Variants in SECISBP2 observed in about 807,000 individuals in gnomAD.
The protein encoded by SECISBP2 is SECIS binding protein 2, also known as selenocysteine insertion sequence-binding protein 2.
SECISBP2 carries 96 observed loss-of-function variants against 98.2 expected under a neutral mutation model. The observed-to-expected ratio is 0.98, with a 90% CI of 0.83 to 1.16. SECISBP2 has a LOEUF of 1.16. SECISBP2 is among the 50% of genes most tolerant of loss of function. The probability of loss-of-function intolerance (pLI) is 0.00; values close to 1 mark genes in which losing one functional copy is unlikely to be tolerated. For missense variants in SECISBP2, 1,046 were observed against 1,022.9 expected, an observed-to-expected ratio of 1.02 and a Z score of -0.31; for synonymous variants, 407 against 370.2, an observed-to-expected ratio of 1.10 and a Z score of -1.14.
rs745338950 is a variant in SECISBP2 at position 89,341,411 on chromosome 9, T to C, written c.1367T>C (p.Leu456Pro). The C allele has an allele frequency of 6.2e-7, 1 of 1,614,104 alleles. No homozygotes were observed. Among genetic ancestry groups the C allele is most frequent in the Non-Finnish European group, 8.5e-7 (1 of 1,179,970 alleles). Residue 456 changes from leucine (L) to proline (P), a missense_variant, in exon 10 of 17, where the codon CTG becomes CCG. Coordinates refer to ENST00000375807, the MANE Select transcript of SECISBP2 (RefSeq NM_024077.5). ...LPVQLDLGGMLTALEKKQHSQ... is the reference protein window; with the variant it reads ...LPVQLDLGGMPTALEKKQHSQ... The stretch of plus-strand genomic sequence containing the variant: ...GTGCAGTTGGACTTGGGGGGCATGC[T>C]GACAGCCCTGGAGAAGAAGCAGCAC...
At chr9:89,345,879 G>A (rs74593973) in intron 10 of SECISBP2, among the ~76,000 whole-genome samples, 2,243 of 152,348 alleles carry the variant, frequency 0.015, 19 homozygotes, top group Non-Finnish European at 0.025. Flanking sequence ...AGGCTCCAAA[G>A]ATGGAAGCAG....
intron 7 of SECISBP2, among the ~76,000 whole-genome samples, chr9:89,336,858 G>A (rs1042661484): frequency 2.3e-5 from 3 of 131,880 alleles, no homozygotes; most frequent in East Asian, 2.4e-4. Flanking sequence ...TGCAACCTCC[G>A]CCTCCTGGGT....
At chr9:89,331,480 T>A (rs1827741954) in intron 5 of SECISBP2, among the ~76,000 whole-genome samples, 1 of 152,254 alleles carries the variant, frequency 6.6e-6, no homozygotes, top group Non-Finnish European at 1.5e-5. Context: ...AAAATTATTT[T>A]AAATCCATTA....
At chr9:89,322,016 G>A (rs1325936892) in intron 2 of SECISBP2, among the ~76,000 whole-genome samples, 1 of 152,188 alleles carries the variant, frequency 6.6e-6, no homozygotes, top group African/African-American at 2.4e-5. Context: ...AACTTTGTAT[G>A]TCCCCTTCCC....
At chr9:89,321,975 T>C (rs1825889845) in intron 2 of SECISBP2, among the ~76,000 whole-genome samples, 2 of 152,250 alleles carry the variant, frequency 1.3e-5, no homozygotes, top group Admixed American at 6.5e-5. Flanking sequence ...TTCCTCCTTC[T>C]TACTTGTTCA....
At chr9:89,366,319 T>G in the SECISBP2 span, among the ~76,000 whole-genome samples, 1 of 152,150 alleles carries the variant, frequency 6.6e-6, no homozygotes, top group Non-Finnish European at 1.5e-5. Context: ...TATACTTCCC[T>G]GGAGTTTCCA....
intron 1 of SECISBP2, chr9:89,319,004 AC>A: frequency 9.5e-7 from 1 of 1,048,188 alleles, no homozygotes; most frequent in South Asian, 4.3e-5. Context: ...ACTCAGCATT[AC>A]CACTAGATGG....
chr9:89,361,062 G>A (rs1832722819), downstream of SECISBP2: 1 of 152,194 alleles, frequency 6.6e-6, no homozygotes, highest in South Asian at 2.1e-4. Context: ...GTGAGCTGAT[G>A]GATATTTTAC....
chr9:89,347,949 C>T, intron 11 of SECISBP2, 130 bp from the exon 12 acceptor site: 3 of 851,382 alleles, frequency 3.5e-6, no homozygotes, highest in Non-Finnish European at 5.7e-6. Flanking sequence ...GTCTGGGGAG[C>T]ACTTGGCTGC....
At chr9:89,342,892 TA>T (rs751251750) in intron 10 of SECISBP2, among the ~76,000 whole-genome samples, 9 of 152,230 alleles carry the variant, frequency 5.9e-5, no homozygotes, top group African/African-American at 2.2e-4. Context: ...ATTGTGCACT[TA>T]AAAACAGTTA....
downstream of SECISBP2, chr9:89,364,129 C>T (rs2132233249): frequency 7.7e-7 from 1 of 1,298,502 alleles, no homozygotes; most frequent in East Asian, 2.5e-5. Flanking sequence ...CAGCGGGAGC[C>T]TTGGCCTTGG....
chr9:89,330,291 A>G (rs1292764077), intron 5 of SECISBP2: 1 of 152,200 alleles, frequency 6.6e-6, no homozygotes, highest in Non-Finnish European at 1.5e-5. Context: ...TTAGTCCACC[A>G]AGTTGAGGCA....
chr9:89,343,016 T>C (rs973154112), intron 10 of SECISBP2, among the ~76,000 whole-genome samples: 2 of 152,246 alleles, frequency 1.3e-5, no homozygotes, highest in East Asian at 3.8e-4. Context: ...CTTGATATGA[T>C]GACATTGTGT....
chr9:89,366,876 G>A, the SECISBP2 span, among the ~76,000 whole-genome samples: 1 of 152,174 alleles, frequency 6.6e-6, no homozygotes, highest in South Asian at 2.1e-4. Flanking sequence ...CTGAGTCACA[G>A]GAGCCTCTGG....
Position 89,359,497 on chromosome 9 carries a change from T to TA in SECISBP2, c.*673_*674insA, listed in dbSNP as rs1832588367. Reference sequence around the variant, plus strand: ...CAATGTGTATTGAAGTACCTAGATTTGTTTGATAATCAACAAATCTTTCCT... The same window carrying TA: ...CAATGTGTATTGAAGTACCTAGATTTAGTTTGATAATCAACAAATCTTTCCT... On this transcript the variant is annotated 3_prime_UTR_variant, in exon 17 of 17. Coordinates refer to ENST00000375807, the MANE Select transcript of SECISBP2 (RefSeq NM_024077.5). 1 of 152,694 alleles carries TA rather than the reference T, an allele frequency of 6.5e-6. No homozygotes were observed. Among genetic ancestry groups the TA allele is most frequent in the Non-Finnish European group, 1.5e-5 (1 of 68,232 alleles). The allele number at this position is 152,694 out of a possible 1,614,324, so 9.5% of individuals were successfully genotyped here. A position where few individuals can be genotyped will look rare whatever the true frequency, so the allele number is the denominator to read the frequency against.
chr9:89,354,792 TC>T (rs1831813376), intron 14 of SECISBP2: 2 of 985,172 alleles, frequency 2.0e-6, no homozygotes, highest in Non-Finnish European at 2.4e-6. Flanking sequence ...TCAGATTCAC[TC>T]CCGGGAGCTG....
At chr9:89,363,297 G>T (rs1833029911), downstream of SECISBP2, 1 of 1,344,524 alleles carries the variant, frequency 7.4e-7, no homozygotes, top group Non-Finnish European at 9.9e-7. Context: ...TTTCATAAAG[G>T]AAACTGCTCC....
intron 1 of SECISBP2, chr9:89,319,190 T>G (rs1004282238): frequency 2.4e-6 from 1 of 418,936 alleles, no homozygotes; most frequent in Non-Finnish European, 3.3e-6. Flanking sequence ...AAAGCAAGAC[T>G]TAGTGGTTCA....
chr9:89,366,374 T>C, the SECISBP2 span, among the ~76,000 whole-genome samples: 1 of 152,260 alleles, frequency 6.6e-6, no homozygotes, highest in Non-Finnish European at 1.5e-5. Context: ...TAATTTTTTA[T>C]AAAAGTGTTA....
Sources: gnomAD v4.1 joint callset for allele counts (sites outside exome capture counted in the v4.1 genomes callset) on GRCh38, gnomAD v4.1.1 for gene constraint, MANE v1.5 for transcripts, NCBI Gene and HGNC (gene_info 2026-07-23, HGNC 2026-07-21) for gene names.